Variants in NDUFAF6 observed in about 807,000 individuals in gnomAD.
NDUFAF6 encodes the protein NADH:ubiquinone oxidoreductase complex assembly factor 6.
NDUFAF6 carries 45 observed loss-of-function variants against 40.8 expected under a neutral mutation model. The ratio of observed to expected loss-of-function variants is 1.10; its 90% CI spans 0.87 to 1.42. The LOEUF is 1.42. NDUFAF6 is among the 40% of genes most tolerant of loss of function. NDUFAF6 has a pLI of 0.00. For synonymous variants in NDUFAF6, 185 were observed against 155.9 expected (o/e 1.19, Z -1.39); for missense variants, 435 against 418.5 (o/e 1.04, Z -0.34).
intron 2 of NDUFAF6, among the ~76,000 whole-genome samples, chr8:95,016,453 G>A (rs375768968): frequency 3.3e-5 from 5 of 152,192 alleles, no homozygotes; most frequent in South Asian, 4.1e-4. Flanking sequence ...CAGTTAAAAC[G>A]TGAACATCTG....
rs919091809 is a variant in NDUFAF6 at position 94,932,174 on chromosome 8, A to G, written c.-935-13309A>G. On this transcript the variant is annotated intron_variant, in intron 1 of 14. Transcript: ENST00000396113. ...TTTAAAATGCTATTGTAACTTTACTATTAGGACGTGGTCAACTTTTATTAA... is the reference window on the plus strand; with the variant it reads ...TTTAAAATGCTATTGTAACTTTACTGTTAGGACGTGGTCAACTTTTATTAA... 7.8e-6 allele frequency: 12 copies of G among 1,532,156 alleles called. No individual in the cohort carries two copies. In the African/African-American group the frequency reaches 1.4e-4, roughly 17 times the overall value. 94.9% of individuals were successfully genotyped at this position (1,532,156 alleles called of 1,614,324 possible).
chr8:95,032,576 G>A (rs1257135017), intron 2 of NDUFAF6, among the ~76,000 whole-genome samples: 1 of 152,186 alleles, frequency 6.6e-6, no homozygotes, highest in Non-Finnish European at 1.5e-5. Context: ...AGGAAGGAGA[G>A]ATCCTCTTTT....
At chr8:94,984,768 G>T (rs890218862) in intron 2 of NDUFAF6, among the ~76,000 whole-genome samples, 2 of 152,224 alleles carry the variant, frequency 1.3e-5, no homozygotes, top group Non-Finnish European at 2.9e-5. Flanking sequence ...CATGTACACG[G>T]ATGGGAGAGA....
chr8:94,935,956 C>G (rs1563726465), intron 1 of NDUFAF6, among the ~76,000 whole-genome samples: 1 of 152,194 alleles, frequency 6.6e-6, no homozygotes, highest in Non-Finnish European at 1.5e-5. Flanking sequence ...TGGGGACCAA[C>G]AGCACTGCCC....
chr8:94,965,261 G>A (rs1439459093), intron 1 of NDUFAF6, among the ~76,000 whole-genome samples: 2 of 152,218 alleles, frequency 1.3e-5, no homozygotes, highest in South Asian at 2.1e-4. Context: ...TAAAGGACCG[G>A]GGCAGTATAC....
At chr8:94,927,261 A>T (rs1450963433) in intron 1 of NDUFAF6, 1 of 152,630 alleles carries the variant, frequency 6.6e-6, no homozygotes, top group African/African-American at 2.4e-5. Flanking sequence ...GTACATAAAG[A>T]TAATATATAA....
chr8:95,059,378 C>T (rs1048965932), downstream of NDUFAF6, among the ~76,000 whole-genome samples: 1 of 152,168 alleles, frequency 6.6e-6, no homozygotes, highest in Non-Finnish European at 1.5e-5. Context: ...CCCCACCACA[C>T]ACCTAGAATG....
chr8:95,015,211 G>C (rs879460215), intron 2 of NDUFAF6, among the ~76,000 whole-genome samples: 1 of 152,172 alleles, frequency 6.6e-6, no homozygotes, highest in African/African-American at 2.4e-5. Context: ...GAGTTGTGCA[G>C]TGTACAACCT....
At chr8:95,020,165 C>T (rs148773504), upstream of NDUFAF6, among the ~76,000 whole-genome samples, 932 of 152,342 alleles carry the variant, frequency 6.1e-3, 2 homozygotes, top group Middle Eastern at 0.014. Flanking sequence ...CACCATTGCA[C>T]TCCAGCCTGG....
chr8:94,939,220 T>C (rs929346100), intron 1 of NDUFAF6, among the ~76,000 whole-genome samples: 3 of 152,240 alleles, frequency 2.0e-5, no homozygotes, highest in African/African-American at 7.2e-5. Flanking sequence ...TAAGACATGA[T>C]ATTCTAGTTG....
intron 1 of NDUFAF6, chr8:94,930,834 T>C: frequency 8.0e-7 from 1 of 1,247,116 alleles, no homozygotes; most frequent in Non-Finnish European, 1.1e-6. Flanking sequence ...TGTTTATGGC[T>C]GAATGAGAGC....
intron 7 of NDUFAF6, among the ~76,000 whole-genome samples, chr8:95,048,828 T>C (rs1250965464): frequency 6.6e-6 from 1 of 152,226 alleles, no homozygotes; most frequent in African/African-American, 2.4e-5. Flanking sequence ...TCCACTTCTC[T>C]CTTGGAAGAC....
chr8:95,038,555 C>G (rs569498953), intron 3 of NDUFAF6, among the ~76,000 whole-genome samples: 1 of 151,970 alleles, frequency 6.6e-6, no homozygotes, highest in Non-Finnish European at 1.5e-5. Flanking sequence ...ACTTTGTTGC[C>G]CAGGCTGGTT....
intron 9 of NDUFAF6, among the ~76,000 whole-genome samples, chr8:95,074,565 C>T (rs1832974466): frequency 6.6e-6 from 1 of 152,112 alleles, no homozygotes; most frequent in Non-Finnish European, 1.5e-5. Flanking sequence ...TATGCACTAC[C>T]TCCTAACTTC....
At chr8:94,931,955 G>T in intron 1 of NDUFAF6, 2 of 991,248 alleles carry the variant, frequency 2.0e-6, no homozygotes, top group Non-Finnish European at 3.0e-6. Context: ...CTGAGTGACA[G>T]AGTGAGACTC....
At chr8:94,916,519 A>G (rs1164524160) in intron 1 of NDUFAF6, among the ~76,000 whole-genome samples, 2 of 152,214 alleles carry the variant, frequency 1.3e-5, no homozygotes, top group Non-Finnish European at 2.9e-5. Flanking sequence ...CCACCTATTA[A>G]AAAACAAAAA....
intron 1 of NDUFAF6, chr8:94,926,053 A>G (rs1198019306): frequency 6.5e-6 from 1 of 152,698 alleles, no homozygotes; most frequent in African/African-American, 2.4e-5. Flanking sequence ...ACCCAATTAC[A>G]AAGAACAGGT....
At chr8:95,098,396 A>G (rs1225403373), upstream of NDUFAF6, among the ~76,000 whole-genome samples, 1 of 150,288 alleles carries the variant, frequency 6.7e-6, no homozygotes, top group Non-Finnish European at 1.5e-5. Flanking sequence ...GGCCAGGTGC[A>G]GTGGCTCACG....
chr8:94,949,944 G>A (rs1048375128), intron 2 of NDUFAF6: 3 of 152,448 alleles, frequency 2.0e-5, no homozygotes, highest in Non-Finnish European at 2.9e-5. Flanking sequence ...GAGGGGTAGA[G>A]GCCGCTCAAT....
Sources: gnomAD v4.1 joint callset for allele counts (sites outside exome capture counted in the v4.1 genomes callset) on GRCh38, gnomAD v4.1.1 for gene constraint, MANE v1.5 for transcripts, NCBI Gene and HGNC (gene_info 2026-07-23, HGNC 2026-07-21) for gene names.